Variants in ATP1A1 observed in about 807,000 individuals in gnomAD.
ATP1A1 encodes the protein sodium/potassium-transporting ATPase subunit alpha-1.
Under a neutral mutation model 114.8 loss-of-function variants are expected in ATP1A1, and 14 were observed. The ratio of observed to expected loss-of-function variants is 0.12; its 90% CI spans 0.08 to 0.19. The LOEUF is 0.19. ATP1A1 is among the 10% of genes least tolerant of loss of function. The pLI, the probability that ATP1A1 is intolerant of heterozygous loss-of-function variation, is 1.00. For missense variants in ATP1A1, 524 were observed against 1,290.7 expected, an observed-to-expected ratio of 0.41 and a Z score of 9.10; for synonymous variants, 471 against 466.3, an observed-to-expected ratio of 1.01 and a Z score of -0.13.
At chr1:116,377,158 A>G (rs1651427076) in intron 1 of ATP1A1, among the ~76,000 whole-genome samples, 1 of 152,250 alleles carries the variant, frequency 6.6e-6, no homozygotes, top group Non-Finnish European at 1.5e-5. Context: ...CAGGTTTAAA[A>G]GTAAAATAAA....
At position 116,401,284 on chromosome 1, in the gene ATP1A1, G is replaced by C. The variant is rs1303541386; in HGVS notation, c.2849+24G>C. On this transcript the variant is annotated intron_variant, in intron 20 of 22. Coordinates refer to ENST00000295598, the MANE Select transcript of ATP1A1 (RefSeq NM_000701.8). The surrounding 1 kb of genome is among the most constrained non-coding windows in gnomAD (Gnocchi z 4.7). ...AAGTAAGTAATGAAGGACATGTCAA[G>C]GCCTTGGCTCAAAGAAGGGGACTGG... 2.5e-6 allele frequency: 4 copies of C among 1,613,396 alleles called. No homozygotes were observed. The highest frequency in any genetic ancestry group is 1.7e-5 in the Admixed American group (1 of 60,006).
In ATP1A1 at chr1:116,389,175, C is replaced by A. The variant is rs1652284872; in HGVS notation, c.754+156C>A. On this transcript the variant is annotated intron_variant, in intron 7 of 22. Coordinates refer to ENST00000295598, the MANE Select transcript of ATP1A1 (RefSeq NM_000701.8). This position sits in a 1 kb window ranked among gnomAD's most constrained non-coding sequence, Gnocchi z 6.9. ...GGTGTTTTCCTAGCTGGCAGGAAAC[C>A]TTGTGGCAGTTTCCCTTCCCTCCAC... Among the ~76,000 whole-genome samples, 1 of 152,210 alleles carries A rather than the reference C, an allele frequency of 6.6e-6. No individual in the cohort carries two copies. Among genetic ancestry groups the A allele is most frequent in the African/African-American group, 2.4e-5 (1 of 41,458 alleles).
In ATP1A1 at chr1:116,384,725, C is replaced by T; in HGVS notation, c.124-58C>T. 1 of 1,428,146 alleles carries T rather than the reference C, an allele frequency of 7.0e-7. No homozygotes were observed. The highest frequency in any genetic ancestry group is 2.2e-5 in the Admixed American group (1 of 45,768). The allele number at this position is 1,428,146 out of a possible 1,614,324, so 88.5% of individuals were successfully genotyped here. On this transcript the variant is annotated intron_variant, in intron 2 of 22. Coordinates refer to ENST00000295598, the MANE Select transcript of ATP1A1 (RefSeq NM_000701.8). This position sits in a 1 kb window ranked among gnomAD's most constrained non-coding sequence, Gnocchi z 5.1. ...ATAGTAATGAATAATGCTATTTTTT[C>T]TGTCATTTTTTTATACTACACTGTT...
Position 116,393,713 on chromosome 1 carries a change from A to G in ATP1A1, c.1650A>G (p.Glu550=). 6.2e-7 allele frequency: 1 copy of G among 1,612,948 alleles called. No individual in the cohort carries two copies. Among genetic ancestry groups the G allele is most frequent in the Non-Finnish European group, 8.5e-7 (1 of 1,179,864 alleles). ...NAYLELGGLG[E]RVLGFCHLFL... ...ATTTGGAGCTGGGGGGCCTCGGAGA[A>G]CGAGTCCTAGGTATGCAGATAACCT... Residue 550 remains glutamate (E), a synonymous_variant, in exon 12 of 23, where the codon GAA becomes GAG. Coordinates refer to ENST00000295598, the MANE Select transcript of ATP1A1 (RefSeq NM_000701.8). The surrounding 1 kb of genome is among the most constrained non-coding windows in gnomAD (Gnocchi z 5.0).
rs571336821 is a variant in ATP1A1 at position 116,399,677 on chromosome 1, T to C, written c.2572+134T>C. 2.3e-5 allele frequency: 29 copies of C among 1,268,456 alleles called. No individual in the cohort carries two copies. Among genetic ancestry groups the C allele is most frequent in the Non-Finnish European group, 2.9e-5 (27 of 931,972 alleles). The allele number at this position is 1,268,456 out of a possible 1,614,324, so 78.6% of individuals were successfully genotyped here. A position where few individuals can be genotyped will look rare whatever the true frequency, so the allele number is the denominator to read the frequency against. On this transcript the variant is annotated intron_variant, in intron 18 of 22. Coordinates refer to ENST00000295598, the MANE Select transcript of ATP1A1 (RefSeq NM_000701.8). The surrounding 1 kb of genome is among the most constrained non-coding windows in gnomAD (Gnocchi z 5.0). The stretch of plus-strand genomic sequence containing the variant: ...AGGTCTAGGATGAGCCCTAACGGAG[T>C]GAGCCTGTGGAGTTTCTCTGAACTC...
intron 10 of ATP1A1, 112 bp from the exon 11 acceptor site, chr1:116,392,742 T>A: frequency 7.5e-7 from 1 of 1,337,410 alleles, no homozygotes. Flanking sequence ...TTGCCCATCC[T>A]CTGCTACCTC....
chr1:116,375,255 G>A (rs977677548), intron 1 of ATP1A1, among the ~76,000 whole-genome samples: 3 of 152,236 alleles, frequency 2.0e-5, no homozygotes, highest in African/African-American at 7.2e-5. Flanking sequence ...TGACAGACTA[G>A]GCGTCCCTGA....
intron 1 of ATP1A1, among the ~76,000 whole-genome samples, chr1:116,379,039 C>T (rs1318361088): frequency 6.6e-6 from 1 of 152,170 alleles, no homozygotes; most frequent in Non-Finnish European, 1.5e-5. Flanking sequence ...TGCACTGATT[C>T]TTTACACCTT....
Position 116,395,113 on chromosome 1 carries a change from T to A in ATP1A1, c.1664T>A (p.Phe555Tyr). ...LGGLGERVLG[F>Y]CHLFLPDEQF... ...AAGGCTCCTGTCCTCCTCGCAGGTT[T>A]CTGCCACCTCTTTCTGCCAGATGAA... is the stretch of plus-strand genomic sequence containing the variant. The change falls in exon 13 of 23, where the codon TTC (phenylalanine) becomes TAC (tyrosine). Residue 555 changes from phenylalanine (F) to tyrosine (Y), a missense_variant. Physicochemically the swap from Phe to Tyr is conservative, Grantham distance 22. Around this residue, in one of 8 missense-constraint regions of ATP1A1, gnomAD observed 143 missense variants for 259.3 expected, o/e 0.55. Transcript: ENST00000295598. The surrounding 1 kb of genome is among the most constrained non-coding windows in gnomAD (Gnocchi z 6.4). 1 of 1,613,796 alleles carries A rather than the reference T, an allele frequency of 6.2e-7. No individual in the cohort carries two copies.
intron 1 of ATP1A1, 24 bp from the exon 2 acceptor site, chr1:116,383,990 C>T: frequency 6.3e-7 from 1 of 1,594,518 alleles, no homozygotes. Context: ...TTCATGGCCT[C>T]ACTTTTCCCA....
chr1:116,383,301 C>G (rs1396784609), intron 1 of ATP1A1: 2 of 1,050,034 alleles, frequency 1.9e-6, no homozygotes, highest in African/African-American at 3.5e-5. Context: ...GAGTCTTAGG[C>G]TGACTTTTTA....
chr1:116,391,949 T>G (rs188591630), intron 10 of ATP1A1, among the ~76,000 whole-genome samples: 3 of 152,336 alleles, frequency 2.0e-5, no homozygotes, highest in Admixed American at 2.0e-4. Context: ...AGCCCTATTC[T>G]GCTTTTATTA....
chr1:116,375,695 G>A (rs1215568790), intron 1 of ATP1A1, among the ~76,000 whole-genome samples: 4 of 152,200 alleles, frequency 2.6e-5, no homozygotes, highest in African/African-American at 9.6e-5. Context: ...GTGACTTATT[G>A]TGAGCGTCCA....
Position 116,388,373 on chromosome 1 carries a change from C to A in ATP1A1, c.501+129C>A. On this transcript the variant is annotated intron_variant, in intron 5 of 22. Coordinates refer to ENST00000295598, the MANE Select transcript of ATP1A1 (RefSeq NM_000701.8). The surrounding 1 kb of genome is among the most constrained non-coding windows in gnomAD (Gnocchi z 5.6). ...ATCAGAGAGATGGATGTCTTCTACC[C>A]CACCCAAAACCAACCTATTTTCCTT... 1.0e-6 allele frequency: 1 copy of A among 963,730 alleles called. No homozygotes were observed. The highest frequency in any genetic ancestry group is 1.5e-6 in the Non-Finnish European group (1 of 647,332). 59.7% of individuals were successfully genotyped at this position (963,730 alleles called of 1,614,324 possible).
intron 10 of ATP1A1, among the ~76,000 whole-genome samples, chr1:116,391,858 G>A (rs1031416284): frequency 7.9e-5 from 12 of 152,182 alleles, no homozygotes; most frequent in Non-Finnish European, 1.5e-4. Context: ...CCCCAGAAAG[G>A]TAGCAGAAGC....
intron 1 of ATP1A1, chr1:116,374,068 G>C: frequency 7.1e-7 from 1 of 1,408,120 alleles, no homozygotes; most frequent in Admixed American, 2.9e-5. Context: ...TTCCGGCGGG[G>C]GCAGCCTCCG....
chr1:116,380,109 C>A (rs950769953), intron 1 of ATP1A1, among the ~76,000 whole-genome samples: 1 of 152,154 alleles, frequency 6.6e-6, no homozygotes, highest in Non-Finnish European at 1.5e-5. Context: ...CTTGACTAAT[C>A]AGACTATGAA....
At chr1:116,403,406 C>G (rs528745985) in intron 21 of ATP1A1, among the ~76,000 whole-genome samples, 3 of 152,302 alleles carry the variant, frequency 2.0e-5, no homozygotes, top group African/African-American at 7.2e-5. Flanking sequence ...AGCTGATATC[C>G]CAAATGCTGT....
intron 1 of ATP1A1, chr1:116,374,307 G>A: frequency 6.4e-7 from 1 of 1,551,066 alleles, no homozygotes; most frequent in Non-Finnish European, 8.7e-7. Flanking sequence ...GGCAACTGGA[G>A]TTGTCATCCG....
Sources: gnomAD v4.1 joint callset for allele counts (sites outside exome capture counted in the v4.1 genomes callset) on GRCh38, gnomAD v4.1.1 for gene constraint, gnomAD v4.1.1 regional missense constraint, Gnocchi (gnomAD v3.1) non-coding constraint, MANE v1.5 for transcripts, NCBI Gene and HGNC (gene_info 2026-07-23, HGNC 2026-07-21) for gene names.